Variants in ALPK2 observed in about 807,000 individuals in gnomAD.
ALPK2 encodes the protein alpha-protein kinase 2.
ALPK2 carries 127 observed loss-of-function variants against 163.1 expected under a neutral mutation model. The ratio of observed to expected loss-of-function variants is 0.78; its 90% CI spans 0.67 to 0.90. The LOEUF is 0.90. Among genes scored for constraint, ALPK2 ranks in the 40% least tolerant of loss-of-function variants. The pLI is 0.00. For missense variants in ALPK2, 2,360 were observed against 2,589.6 expected, an observed-to-expected ratio of 0.91 and a Z score of 1.92; for synonymous variants, 953 against 959.1, an observed-to-expected ratio of 0.99 and a Z score of 0.12.
intron 12 of ALPK2, 41 bp from the exon 13 acceptor site, chr18:58,482,080 G>A (rs1246577816): frequency 6.8e-7 from 1 of 1,473,978 alleles, no homozygotes; most frequent in Non-Finnish European, 9.5e-7. Flanking sequence ...TTTAAAAACA[G>A]GACACTTTCA....
chr18:58,593,913 A>T lies in ALPK2; in HGVS notation c.228-13365T>A, dbSNP rs186632456. On this transcript the variant is annotated intron_variant, in intron 3 of 12. Coordinates refer to ENST00000361673, the MANE Select transcript of ALPK2 (RefSeq NM_052947.4). ...TAAATAAAAATAATAAAAGGAAAAA[A>T]ATACCAGTGCCAGGGCCCACCTCTT... Among the ~76,000 whole-genome samples, 13 of 149,210 alleles carry T rather than the reference A, an allele frequency of 8.7e-5. No individual in the cohort carries two copies. In the Admixed American group the frequency reaches 8.8e-4, roughly 10 times the overall value.
intron 4 of ALPK2, among the ~76,000 whole-genome samples, chr18:58,555,511 A>T (rs1172175110): frequency 6.6e-6 from 1 of 152,210 alleles, no homozygotes; most frequent in Admixed American, 6.5e-5. Context: ...AAGAATTCTC[A>T]TGTCTGACTT....
intron 1 of ALPK2, among the ~76,000 whole-genome samples, chr18:58,615,388 C>T (rs562940645): frequency 2.3e-3 from 348 of 152,282 alleles, no homozygotes; most frequent in Non-Finnish European, 4.1e-3. Context: ...GAACACAATA[C>T]AGGCTTTGCC....
Position 58,579,170 on chromosome 18 carries a change from TG to T in ALPK2, c.1605del (p.Arg536GlyfsTer2). 6.2e-7 allele frequency: 1 copy of T among 1,614,198 alleles called. No individual in the cohort carries two copies. On this transcript the variant is annotated frameshift_variant, in exon 4 of 13. Transcript: ENST00000361673. LOFTEE classifies it high-confidence loss of function. ...CCCTTCATTCCCGGCTGCCTCACCC[TG>T]GCAGATTTCCTTGAACCCCTCTTGC... ...LWSKRGSRKS[A>X]RVRQPGMKGN...
chr18:58,525,429 T>A (rs2051579264), intron 6 of ALPK2, among the ~76,000 whole-genome samples: 1 of 152,182 alleles, frequency 6.6e-6, no homozygotes, highest in Non-Finnish European at 1.5e-5. Context: ...TGGCACAGCC[T>A]TTCTGTCATT....
At chr18:58,517,285 G>C in intron 8 of ALPK2, 103 bp from the exon 9 acceptor site, 2 of 1,246,160 alleles carry the variant, frequency 1.6e-6, no homozygotes, top group South Asian at 2.9e-5. Flanking sequence ...TGACAAGGCT[G>C]ACCTGCAGAA....
At chr18:58,510,277 G>A (rs1338994091) in intron 10 of ALPK2, among the ~76,000 whole-genome samples, 2 of 152,188 alleles carry the variant, frequency 1.3e-5, no homozygotes, top group Admixed American at 6.5e-5. Context: ...ATGCTGTTTT[G>A]ATTACTGTAG....
chr18:58,518,583 C>G (rs1411877317), intron 8 of ALPK2, among the ~76,000 whole-genome samples: 1 of 152,144 alleles, frequency 6.6e-6, no homozygotes, highest in Non-Finnish European at 1.5e-5. Flanking sequence ...TCTCTGCCTT[C>G]CCTCTATTTG....
chr18:58,583,533 G>T (rs2051970348), intron 3 of ALPK2, among the ~76,000 whole-genome samples: 1 of 152,040 alleles, frequency 6.6e-6, no homozygotes. Context: ...AGCACTACAA[G>T]CTGAGCACAG....
At chr18:58,548,890 A>T (rs1014831890) in intron 4 of ALPK2, among the ~76,000 whole-genome samples, 1 of 152,104 alleles carries the variant, frequency 6.6e-6, no homozygotes, top group African/African-American at 2.4e-5. Flanking sequence ...CTTTGCCAAC[A>T]TATGTAGGAA....
chr18:58,586,342 T>A (rs1237740489), intron 3 of ALPK2, among the ~76,000 whole-genome samples: 1 of 152,114 alleles, frequency 6.6e-6, no homozygotes, highest in African/African-American at 2.4e-5. Context: ...TCCCTGAAAA[T>A]TCTCACCTCT....
At chr18:58,610,921 C>A (rs2052125810) in intron 2 of ALPK2, among the ~76,000 whole-genome samples, 1 of 152,064 alleles carries the variant, frequency 6.6e-6, no homozygotes, top group Non-Finnish European at 1.5e-5. Flanking sequence ...ATGGTGAAAC[C>A]CCATCTCTAC....
intron 4 of ALPK2, among the ~76,000 whole-genome samples, chr18:58,547,875 G>T (rs1020001720): frequency 6.6e-6 from 1 of 152,182 alleles, no homozygotes; most frequent in Non-Finnish European, 1.5e-5. Flanking sequence ...CTTTCCTGCA[G>T]ATTTCAGACA....
At chr18:58,569,391 G>A (rs1397715143) in intron 4 of ALPK2, among the ~76,000 whole-genome samples, 1 of 152,216 alleles carries the variant, frequency 6.6e-6, no homozygotes, top group African/African-American at 2.4e-5. Flanking sequence ...TCCATGCATA[G>A]CTAGGGTTGA....
intron 4 of ALPK2, among the ~76,000 whole-genome samples, chr18:58,539,047 G>T (rs186965177): frequency 5.7e-4 from 86 of 152,198 alleles, no homozygotes; most frequent in African/African-American, 2.0e-3. Flanking sequence ...AACCAAATAG[G>T]CCTCATTTCT....
At chr18:58,599,944 T>C (rs889442930) in intron 3 of ALPK2, among the ~76,000 whole-genome samples, 2 of 152,042 alleles carry the variant, frequency 1.3e-5, no homozygotes, top group Non-Finnish European at 2.9e-5. Context: ...AAAGATTGTC[T>C]GTTCTTTGTA....
At chr18:58,613,710 AT>A (rs751376580) in intron 1 of ALPK2, among the ~76,000 whole-genome samples, 29,182 of 84,520 alleles carry the variant, frequency 0.35, 3,979 homozygotes, top group East Asian at 0.46. Context: ...AAAAAAAAAA[AT>A]AATAATAATA....
intron 4 of ALPK2, 72 bp downstream of exon 4, chr18:58,578,742 A>ACACACACACACC: frequency 1.6e-6 from 2 of 1,232,036 alleles, no homozygotes; most frequent in East Asian, 4.9e-5. Context: ...AGACACACAC[A>ACACACACACACC]CACACACACA....
rs2051313859 is a variant in ALPK2 at position 58,481,969 on chromosome 18, T to G, written c.6367A>C (p.Lys2123Gln). ...DQFKALHQCNKYCKMLGLKSL... is the reference protein window; with the variant it reads ...DQFKALHQCNQYCKMLGLKSL... The stretch of plus-strand genomic sequence containing the variant: ...TTCAGTCCCAGCATTTTGCAATACT[T>G]GTTACACTGGTGTAGTGCTTTAAAC... The change falls in exon 13 of 13, where the codon AAG becomes CAG. Residue 2123 changes from lysine (K) to glutamine (Q), a missense_variant. By Grantham distance (53) the Lys-to-Gln change is moderately conservative. Transcript: ENST00000361673. The G allele has an allele frequency of 1.2e-6, 2 of 1,614,210 alleles. No homozygotes were observed. Among genetic ancestry groups the G allele is most frequent in the Non-Finnish European group, 1.7e-6 (2 of 1,180,028 alleles).
Sources: allele counts gnomAD v4.1 joint callset (sites outside exome capture counted in the v4.1 genomes callset), GRCh38; gene constraint gnomAD v4.1.1; transcripts MANE v1.5; gene names NCBI Gene and HGNC (gene_info 2026-07-23, HGNC 2026-07-21).